EVA1C: variants seen among roughly 807,000 people sequenced by gnomAD.
EVA1C encodes eva-1 homolog C, also known as protein eva-1 homolog C.
In EVA1C, 25 loss-of-function variants were observed where a neutral mutation model predicts 45.4. The ratio of observed to expected loss-of-function variants is 0.55; its 90% CI spans 0.40 to 0.77. EVA1C has a LOEUF of 0.77. Among genes scored for constraint, EVA1C ranks in the 30% least tolerant of loss-of-function variants. EVA1C has a pLI of 0.00. For synonymous variants in EVA1C, 190 were observed against 221.2 expected, an observed-to-expected ratio of 0.86 and a Z score of 1.25; for missense variants, 479 against 554.8, an observed-to-expected ratio of 0.86 and a Z score of 1.37.
intron 1 of EVA1C, among the ~76,000 whole-genome samples, chr21:32,432,425 C>T (rs959117238): frequency 2.6e-5 from 4 of 152,112 alleles, no homozygotes; most frequent in Admixed American, 2.0e-4. Context: ...GAAAGGAAGG[C>T]TCTGGAACCT....
intron 4 of EVA1C, among the ~76,000 whole-genome samples, chr21:32,475,379 T>A (rs2146328444): frequency 6.6e-6 from 1 of 152,134 alleles, no homozygotes; most frequent in African/African-American, 2.4e-5. Context: ...TTTTTATTGT[T>A]CTGCACAAAC....
chr21:32,513,815 A>G (rs983895950), intron 7 of EVA1C, among the ~76,000 whole-genome samples: 1 of 152,130 alleles, frequency 6.6e-6, no homozygotes, highest in Non-Finnish European at 1.5e-5. Flanking sequence ...TGTTGGGATT[A>G]CCAGCGTGAG....
At chr21:32,418,246 C>T (rs769316205) in intron 1 of EVA1C, among the ~76,000 whole-genome samples, 3 of 152,110 alleles carry the variant, frequency 2.0e-5, no homozygotes, top group South Asian at 2.1e-4. Context: ...AAAGCCAGCT[C>T]GTAACTAAAG....
At chr21:32,415,815 C>T (rs1297541113) in intron 1 of EVA1C, among the ~76,000 whole-genome samples, 4 of 152,266 alleles carry the variant, frequency 2.6e-5, no homozygotes, top group African/African-American at 4.8e-5. Flanking sequence ...TGAATCCCAG[C>T]GAAGGCAAGA....
In EVA1C at chr21:32,453,411, C is replaced by A; in HGVS notation, c.260C>A (p.Ser87Ter). Reference protein sequence around the residue: ...CPRHSTISVQSAFYGQDYQMC... With the variant: ...CPRHSTISVQ ...CGGCATTCTACGATAAGTGTCCAAT[C>A]GGCATTTTATGGGCAAGATTACCAA... Residue 87 changes from serine (S) to a stop codon, truncating the protein, a stop_gained, in exon 2 of 8, where the codon TCG becomes TAG. Coordinates refer to ENST00000300255, the MANE Select transcript of EVA1C (RefSeq NM_058187.5). LOFTEE classifies it high-confidence loss of function. 6.2e-7 allele frequency: 1 copy of A among 1,611,428 alleles called. No individual in the cohort carries two copies. Among genetic ancestry groups the A allele is most frequent in the East Asian group, 2.2e-5 (1 of 44,878 alleles).
At chr21:32,493,946 C>T (rs563305079) in intron 4 of EVA1C, among the ~76,000 whole-genome samples, 1 of 152,090 alleles carries the variant, frequency 6.6e-6, no homozygotes, top group Non-Finnish European at 1.5e-5. Context: ...ACTACAGGCA[C>T]ATGCCACCAC....
chr21:32,475,463 C>CT (rs775162227), intron 4 of EVA1C, among the ~76,000 whole-genome samples: 5,380 of 127,182 alleles, frequency 0.042, 181 homozygotes, highest in African/African-American at 0.081. Context: ...AAAGTTCTTA[C>CT]TTTTTTTTTT....
At chr21:32,495,733 CCTT>C (rs2037332439) in intron 5 of EVA1C, among the ~76,000 whole-genome samples, 1 of 152,136 alleles carries the variant, frequency 6.6e-6, no homozygotes, top group African/African-American at 2.4e-5. Flanking sequence ...AAATGAAATG[CCTT>C]CTTCGTTTAG....
intron 1 of EVA1C, among the ~76,000 whole-genome samples, chr21:32,425,307 C>G (rs528650292): frequency 9.2e-5 from 12 of 130,266 alleles, no homozygotes; most frequent in African/African-American, 3.7e-4. Context: ...TGCACCGCAG[C>G]CTGGGAGACA....
At chr21:32,468,324 G>A (rs1274087195) in intron 4 of EVA1C, among the ~76,000 whole-genome samples, 15 of 151,772 alleles carry the variant, frequency 9.9e-5, no homozygotes, top group Admixed American at 4.6e-4. Context: ...AGCCGAGATC[G>A]TGCCATTATT....
intron 1 of EVA1C, among the ~76,000 whole-genome samples, chr21:32,419,574 G>A (rs144536001): frequency 0.018 from 2,805 of 152,250 alleles, 93 homozygotes; most frequent in African/African-American, 0.063. Context: ...AATTAGCTGG[G>A]CATAGTGGCA....
intron 4 of EVA1C, among the ~76,000 whole-genome samples, chr21:32,490,167 A>G (rs1403626615): frequency 4.6e-5 from 7 of 151,944 alleles, no homozygotes; most frequent in African/African-American, 1.5e-4. Context: ...ATTGTTGTGC[A>G]ACCAATCTCC....
At chr21:32,497,288 A>AT (rs1366869659) in intron 5 of EVA1C, 2 of 693,260 alleles carry the variant, frequency 2.9e-6, no homozygotes, top group Non-Finnish European at 5.2e-6. Flanking sequence ...AAGAAAACAA[A>AT]TCTCCAGATT....
intron 4 of EVA1C, among the ~76,000 whole-genome samples, chr21:32,475,885 A>AC (rs1359835250): frequency 2.9e-4 from 15 of 52,468 alleles, no homozygotes; most frequent in African/African-American, 1.4e-3. Flanking sequence ...AACTTTATCT[A>AC]TCTATCTATC....
chr21:32,446,787 T>C (rs1293498340), intron 1 of EVA1C, among the ~76,000 whole-genome samples: 1 of 152,184 alleles, frequency 6.6e-6, no homozygotes, highest in Non-Finnish European at 1.5e-5. Flanking sequence ...CATCCTTGTT[T>C]CCAGCAACCT....
chr21:32,432,340 C>T (rs150572784), intron 1 of EVA1C, among the ~76,000 whole-genome samples: 31 of 152,220 alleles, frequency 2.0e-4, no homozygotes, highest in African/African-American at 7.2e-4. Flanking sequence ...GATCATCTTC[C>T]GTAGCCATTT....
intron 1 of EVA1C, among the ~76,000 whole-genome samples, chr21:32,420,033 TC>T (rs1397014287): frequency 6.6e-6 from 1 of 152,214 alleles, no homozygotes; most frequent in Non-Finnish European, 1.5e-5. Flanking sequence ...TTGGGGTATC[TC>T]GTTCTGCCAC....
chr21:32,427,298 C>T (rs2034525789), intron 1 of EVA1C, among the ~76,000 whole-genome samples: 1 of 152,178 alleles, frequency 6.6e-6, no homozygotes, highest in African/African-American at 2.4e-5. Context: ...TTCAGAGCAT[C>T]TTCTTGCAAG....
intron 5 of EVA1C, among the ~76,000 whole-genome samples, chr21:32,497,555 C>T (rs61095097): frequency 0.13 from 20,481 of 152,120 alleles, 1,515 homozygotes; most frequent in Middle Eastern, 0.32. Flanking sequence ...TGTACAATAA[C>T]ATTTACTAAA....
Sources: allele counts gnomAD v4.1 joint callset (sites outside exome capture counted in the v4.1 genomes callset), GRCh38; gene constraint gnomAD v4.1.1; transcripts MANE v1.5; gene names NCBI Gene and HGNC (gene_info 2026-07-23, HGNC 2026-07-21).